Variants in GSDMC observed in about 807,000 individuals in gnomAD.
GSDMC encodes the protein gasdermin-C.
Under a neutral mutation model 58.0 loss-of-function variants are expected in GSDMC, and 59 were observed. The ratio of observed to expected loss-of-function variants is 1.02; its 90% confidence interval spans 0.82 to 1.26. The LOEUF (loss-of-function observed/expected upper bound fraction) is 1.26. GSDMC is among the 50% of genes most tolerant of loss of function. The pLI, the probability that GSDMC is intolerant of heterozygous loss-of-function variation, is 0.00. For missense variants in GSDMC, 659 were observed against 598.5 expected (o/e 1.10, Z -1.06); for synonymous variants, 241 against 220.2 (o/e 1.09, Z -0.83).
the GSDMC span, among the ~76,000 whole-genome samples, chr8:129,711,697 T>A: frequency 2.0e-5 from 3 of 152,212 alleles, no homozygotes; most frequent in South Asian, 6.2e-4. Flanking sequence ...TGCCACTTAC[T>A]GTGTGCGCTG....
Position 129,777,403 on chromosome 8 carries a change from AG to A in GSDMC, c.184del (p.Leu62SerfsTer12). ...QSDYVPVEFSLNDILEPSSSV... is the reference protein window; with the variant it reads ...QSDYVPVEFSXNDILEPSSSV... Reference sequence around the variant, plus strand: ...AGAACTTGGCTCCAGGATGTCATTGAGGGAGAATTCAACTGGAACATAGTCA... The same window carrying A: ...AGAACTTGGCTCCAGGATGTCATTGAGGAGAATTCAACTGGAACATAGTCA... On this transcript the variant is annotated frameshift_variant, in exon 2 of 14. Coordinates refer to ENST00000276708, the MANE Select transcript of GSDMC (RefSeq NM_031415.3). LOFTEE classifies it high-confidence loss of function. 6.2e-7 allele frequency: 1 copy of A among 1,613,352 alleles called. No individual in the cohort carries two copies. Among genetic ancestry groups the A allele is most frequent in the Non-Finnish European group, 8.5e-7 (1 of 1,179,280 alleles).
Position 129,752,689 on chromosome 8 carries a change from T to G in GSDMC, c.844+9A>C, listed in dbSNP as rs556006355. ...ATAGAAGTAAAAATAAAGTGAGCAA[T>G]CACAGTACCTGGTTTTAACTTCATA... On this transcript the variant is annotated intron_variant, in intron 7 of 13. Transcript: ENST00000276708. 6.2e-7 allele frequency: 1 copy of G among 1,614,034 alleles called. No homozygotes were observed. The highest frequency in any genetic ancestry group is 2.2e-5 in the East Asian group (1 of 44,882).
chr8:129,775,189 A>T (rs2034182495), intron 3 of GSDMC, among the ~76,000 whole-genome samples: 1 of 152,208 alleles, frequency 6.6e-6, no homozygotes, highest in Admixed American at 6.5e-5. Context: ...GATGAATGGA[A>T]AAAGAAATTG....
chr8:129,767,830 G>A (rs1391478623), intron 3 of GSDMC, among the ~76,000 whole-genome samples: 1 of 151,742 alleles, frequency 6.6e-6, no homozygotes, highest in African/African-American at 2.4e-5. Flanking sequence ...AGCACTTCAT[G>A]GGCCCCTACC....
At chr8:129,726,465 A>C in the GSDMC span, among the ~76,000 whole-genome samples, 1 of 152,036 alleles carries the variant, frequency 6.6e-6, no homozygotes, top group South Asian at 2.1e-4. Context: ...GGCAGGCAGC[A>C]CCAAGCATCC....
chr8:129,778,904 A>G (rs905715072), intron 1 of GSDMC, among the ~76,000 whole-genome samples: 7 of 152,236 alleles, frequency 4.6e-5, no homozygotes, highest in Non-Finnish European at 1.0e-4. Flanking sequence ...CAAAACCACA[A>G]TGAGATATCA....
At chr8:129,747,668 T>C (rs578236218), downstream of GSDMC, among the ~76,000 whole-genome samples, 1 of 152,296 alleles carries the variant, frequency 6.6e-6, no homozygotes. Flanking sequence ...CCTGCTGTGA[T>C]ATGAGCCTCC....
rs947026123 is a variant in GSDMC, at chr8:129,765,531, G to T, written c.570+97C>A. ...AATGACTCCATCCCTTGTAATCCCT[G>T]GAAATAGAGTCCAGAGCCCCCTAGG... is the stretch of plus-strand genomic sequence containing the variant. On this transcript the variant is annotated intron_variant, in intron 4 of 13. Coordinates refer to ENST00000276708, the MANE Select transcript of GSDMC (RefSeq NM_031415.3). 11 of 855,612 alleles carry T rather than the reference G, an allele frequency of 1.3e-5. No individual in the cohort carries two copies. In the African/African-American group the frequency reaches 1.7e-4, roughly 13 times the overall value. 53.0% of individuals were successfully genotyped at this position (855,612 alleles called of 1,614,324 possible).
the GSDMC span, among the ~76,000 whole-genome samples, chr8:129,712,364 G>A: frequency 2.0e-4 from 31 of 152,272 alleles, no homozygotes; most frequent in East Asian, 4.8e-3. Flanking sequence ...TAAACATTTC[G>A]TGCATGGGCC....
At chr8:129,776,879 G>T (rs1239954675) in intron 2 of GSDMC, among the ~76,000 whole-genome samples, 1 of 151,902 alleles carries the variant, frequency 6.6e-6, no homozygotes, top group African/African-American at 2.4e-5. Flanking sequence ...TTGAGCCTCA[G>T]CCTCCCGAGT....
At chr8:129,726,394 G>C in the GSDMC span, among the ~76,000 whole-genome samples, 1 of 152,166 alleles carries the variant, frequency 6.6e-6, no homozygotes. Flanking sequence ...CAGGAGGGCA[G>C]GGTGTGAGAG....
intron 1 of GSDMC, among the ~76,000 whole-genome samples, chr8:129,778,050 A>C (rs2034296452): frequency 6.6e-6 from 1 of 152,192 alleles, no homozygotes; most frequent in African/African-American, 2.4e-5. Flanking sequence ...TCATCAACTA[A>C]AGGGCCAGAG....
intron 3 of GSDMC, among the ~76,000 whole-genome samples, chr8:129,773,509 G>A (rs773861148): frequency 6.6e-6 from 1 of 152,148 alleles, no homozygotes; most frequent in Non-Finnish European, 1.5e-5. Flanking sequence ...TATAGGCCGG[G>A]CATGGTGGCT....
chr8:129,738,074 C>A, the GSDMC span, among the ~76,000 whole-genome samples: 1 of 152,226 alleles, frequency 6.6e-6, no homozygotes, highest in Non-Finnish European at 1.5e-5. Context: ...AAATGCTCAT[C>A]ATCACTGGCC....
the GSDMC span, among the ~76,000 whole-genome samples, chr8:129,710,148 CA>C: frequency 6.6e-6 from 1 of 152,116 alleles, no homozygotes; most frequent in Non-Finnish European, 1.5e-5. Flanking sequence ...TTTGCAAATG[CA>C]AACAGTATCT....
chr8:129,762,126 T>C (rs970525821), intron 5 of GSDMC, among the ~76,000 whole-genome samples: 77 of 152,304 alleles, frequency 5.1e-4, no homozygotes, highest in African/African-American at 1.7e-3. Flanking sequence ...TCAGGAACTG[T>C]GCATTTTGAG....
chr8:129,760,518 AT>A, intron 6 of GSDMC, 26 bp downstream of exon 6: 1 of 1,470,218 alleles, frequency 6.8e-7, no homozygotes, highest in Non-Finnish European at 9.5e-7. Context: ...AAATAAAAAA[AT>A]AAAAAGACCA....
chr8:129,748,036 A>G (rs1300575850), downstream of GSDMC, among the ~76,000 whole-genome samples: 3 of 152,132 alleles, frequency 2.0e-5, no homozygotes, highest in Admixed American at 1.3e-4. Flanking sequence ...AATCTCTTCT[A>G]TATCCTTCAC....
intron 1 of GSDMC, among the ~76,000 whole-genome samples, chr8:129,780,778 T>C (rs868327576): frequency 1.3e-5 from 2 of 152,332 alleles, no homozygotes; most frequent in South Asian, 4.1e-4. Flanking sequence ...GTGTGTAAAC[T>C]ACTCTTACCT....
Sources: allele counts gnomAD v4.1 joint callset (sites outside exome capture counted in the v4.1 genomes callset), GRCh38; gene constraint gnomAD v4.1.1; transcripts MANE v1.5; gene names NCBI Gene and HGNC (gene_info 2026-07-23, HGNC 2026-07-21).